Variants in CADM2 observed in about 807,000 individuals in gnomAD.
The protein encoded by CADM2 is immunoglobulin superfamily member 4D.
In CADM2, 12 loss-of-function variants were observed where a neutral mutation model predicts 49.8. The observed-to-expected ratio is 0.24, with a 90% CI of 0.15 to 0.39. The LOEUF (loss-of-function observed/expected upper bound fraction) is 0.39, where lower values mean the gene tolerates loss of function less well. Ranked by LOEUF, CADM2 falls within the 10% of genes least tolerant of loss-of-function variation. The pLI, the probability that CADM2 is intolerant of heterozygous loss-of-function variation, is 1.00. For missense variants in CADM2, 378 were observed against 492.3 expected (o/e 0.77, Z 2.20); for synonymous variants, 214 against 175.4 (o/e 1.22, Z -1.74).
chr3:85,632,655 C>T (rs2064347538), intron 1 of CADM2, among the ~76,000 whole-genome samples: 1 of 152,072 alleles, frequency 6.6e-6, no homozygotes, highest in South Asian at 2.1e-4. Flanking sequence ...TTGGAGATTC[C>T]CATGAGGTAA....
At chr3:86,003,546 A>G (rs1730428615) in intron 8 of CADM2, among the ~76,000 whole-genome samples, 1 of 152,228 alleles carries the variant, frequency 6.6e-6, no homozygotes, top group Non-Finnish European at 1.5e-5. Flanking sequence ...AGCGTAATTA[A>G]TAAATGTAAA....
chr3:85,418,663 C>A (rs967861489), intron 1 of CADM2, among the ~76,000 whole-genome samples: 3 of 151,944 alleles, frequency 2.0e-5, no homozygotes, highest in Non-Finnish European at 4.4e-5. Flanking sequence ...GTTAAAATCT[C>A]CAAAAAGTTG....
chr3:85,138,693 CTT>C (rs1019090200), intron 1 of CADM2, among the ~76,000 whole-genome samples: 6 of 152,032 alleles, frequency 3.9e-5, no homozygotes, highest in African/African-American at 1.4e-4. Flanking sequence ...ATCAAAAACT[CTT>C]TTGTCTCCAT....
intron 8 of CADM2, among the ~76,000 whole-genome samples, chr3:86,025,859 A>G (rs2107099982): frequency 6.6e-6 from 1 of 152,264 alleles, no homozygotes; most frequent in South Asian, 2.1e-4. Flanking sequence ...TTCCTGAGGA[A>G]TTTAAAGGCT....
intron 1 of CADM2, among the ~76,000 whole-genome samples, chr3:85,143,028 A>AG (rs1479432126): frequency 1.3e-5 from 2 of 152,224 alleles, no homozygotes; most frequent in Non-Finnish European, 2.9e-5. Context: ...ATTATCTTAG[A>AG]GAAAAAATTC....
At chr3:85,697,108 A>G (rs1159766080) in intron 1 of CADM2, among the ~76,000 whole-genome samples, 2 of 134,962 alleles carry the variant, frequency 1.5e-5, no homozygotes, top group African/African-American at 2.5e-5. Context: ...CCATATATAT[A>G]TATGGCATAT....
intron 3 of CADM2, among the ~76,000 whole-genome samples, chr3:85,826,020 C>T (rs57805427): frequency 0.052 from 7,860 of 152,004 alleles, 568 homozygotes; most frequent in African/African-American, 0.16. Context: ...TTTACAATTT[C>T]AGTAATATCT....
intron 1 of CADM2, among the ~76,000 whole-genome samples, chr3:85,659,329 A>G (rs2065324231): frequency 6.6e-6 from 1 of 151,886 alleles, no homozygotes; most frequent in Non-Finnish European, 1.5e-5. Flanking sequence ...TTGCTGCCTG[A>G]TACATTGGGT....
At chr3:85,938,150 T>G (rs1721403506) in intron 7 of CADM2, among the ~76,000 whole-genome samples, 1 of 152,072 alleles carries the variant, frequency 6.6e-6, no homozygotes. Context: ...ACAGTAACTG[T>G]CTTCTCCATT....
At chr3:85,545,517 A>G (rs2061649379) in intron 1 of CADM2, among the ~76,000 whole-genome samples, 1 of 152,208 alleles carries the variant, frequency 6.6e-6, no homozygotes. Flanking sequence ...TATGTTATGA[A>G]CTGATAAACT....
rs577604958 is a variant in CADM2 at position 85,850,314 on chromosome 3, CTTTTTTTTTTTTTT to C, written c.239-32962_239-32949del. On this transcript the variant is annotated intron_variant, in intron 3 of 9. Transcript: ENST00000383699. ...CTCTCTGTTCTGGTCTGTTGCAATT[CTTTTTTTTTTTTTT>C]TTTTTTTTTTTTTTGAGACAGAGTC... 1.6e-3 allele frequency among the ~76,000 whole-genome samples: 121 copies of C among 76,078 alleles called. 1 individual carries two copies. The highest frequency in any genetic ancestry group is 0.018 in the Middle Eastern group (2 of 110). 49.9% of individuals were successfully genotyped at this position (76,078 alleles called of 152,430 possible). A position where few individuals can be genotyped will look rare whatever the true frequency, so the allele number is the denominator to read the frequency against.
chr3:85,698,505 C>T (rs2066642087), intron 1 of CADM2, among the ~76,000 whole-genome samples: 2 of 152,156 alleles, frequency 1.3e-5, no homozygotes, highest in African/African-American at 4.8e-5. Flanking sequence ...GTGGCTTCTG[C>T]TTCTGGGGAA....
chr3:85,874,122 T>A (rs1287862309), intron 3 of CADM2, among the ~76,000 whole-genome samples: 1 of 152,166 alleles, frequency 6.6e-6, no homozygotes, highest in Admixed American at 6.5e-5. Context: ...GTGCCTGGAT[T>A]TTCAGTTTGT....
intron 1 of CADM2, among the ~76,000 whole-genome samples, chr3:85,377,795 T>C (rs2033679016): frequency 6.6e-6 from 1 of 152,068 alleles, no homozygotes; most frequent in African/African-American, 2.4e-5. Context: ...GGTAGCACAC[T>C]TGAATGACAC....
chr3:85,499,067 A>AT (rs751995436), intron 1 of CADM2, among the ~76,000 whole-genome samples: 63 of 152,198 alleles, frequency 4.1e-4, no homozygotes, highest in Non-Finnish European at 6.6e-4. Flanking sequence ...GCTTTGATAT[A>AT]TGTATATTGA....
chr3:85,031,978 C>T (rs1407402594), intron 1 of CADM2, among the ~76,000 whole-genome samples: 1 of 152,024 alleles, frequency 6.6e-6, no homozygotes, highest in Non-Finnish European at 1.5e-5. Context: ...TATCTCATGT[C>T]TTGATACATA....
chr3:85,542,069 A>T (rs2061562299), intron 1 of CADM2, among the ~76,000 whole-genome samples: 1 of 151,842 alleles, frequency 6.6e-6, no homozygotes, highest in East Asian at 1.9e-4. Context: ...TGATTGCATT[A>T]TGGCAGCTCA....
chr3:85,292,465 C>G (rs989827756), intron 1 of CADM2, among the ~76,000 whole-genome samples: 1 of 151,462 alleles, frequency 6.6e-6, no homozygotes, highest in African/African-American at 2.4e-5. Flanking sequence ...GAACTCTCCA[C>G]CCCAAATCAA....
chr3:85,169,459 A>T (rs545432404), intron 1 of CADM2, among the ~76,000 whole-genome samples: 1 of 152,308 alleles, frequency 6.6e-6, no homozygotes, highest in Non-Finnish European at 1.5e-5. Context: ...TGCAGCCAAT[A>T]AAAAATTACT....
Sources: allele counts gnomAD v4.1 joint callset (sites outside exome capture counted in the v4.1 genomes callset), GRCh38; gene constraint gnomAD v4.1.1; transcripts MANE v1.5; gene names NCBI Gene and HGNC (gene_info 2026-07-23, HGNC 2026-07-21).